CSMD1: variants seen among roughly 807,000 people sequenced by gnomAD.
The protein encoded by CSMD1 is CUB and Sushi multiple domains 1, also known as CUB and sushi domain-containing protein 1.
In CSMD1, 213 loss-of-function variants were observed where a neutral mutation model predicts 417.5. The ratio of observed to expected loss-of-function variants is 0.51; its 90% confidence interval spans 0.46 to 0.57. The LOEUF (loss-of-function observed/expected upper bound fraction) is 0.57, where lower values mean the gene tolerates loss of function less well. Among genes scored for constraint, CSMD1 ranks in the 20% least tolerant of loss-of-function variants. The pLI is 0.00. For synonymous variants in CSMD1, 2,862 were observed against 1,736.8 expected (o/e 1.65, Z -16.11); for missense variants, 6,923 against 4,529.7 (o/e 1.53, Z -15.17).
At chr8:4,056,078 C>CTTTTTTT (rs58415435) in intron 3 of CSMD1, among the ~76,000 whole-genome samples, 10 of 97,842 alleles carry the variant, frequency 1.0e-4, no homozygotes, top group African/African-American at 1.6e-4. Flanking sequence ...TGGTGGCTTC[C>CTTTTTTT]TTTTTTTTTT....
intron 18 of CSMD1, among the ~76,000 whole-genome samples, chr8:3,374,886 T>C (rs1002137203): frequency 6.6e-6 from 1 of 152,200 alleles, no homozygotes; most frequent in South Asian, 2.1e-4. Context: ...AAATGGAAGT[T>C]TGCAGAGTCA....
chr8:4,696,614 C>A (rs1224443462), intron 1 of CSMD1, among the ~76,000 whole-genome samples: 6 of 152,250 alleles, frequency 3.9e-5, no homozygotes, highest in African/African-American at 1.4e-4. Flanking sequence ...GATTTATTAT[C>A]CAAACAACGT....
chr8:3,770,809 T>C (rs529561529), intron 5 of CSMD1, among the ~76,000 whole-genome samples: 4 of 152,244 alleles, frequency 2.6e-5, no homozygotes, highest in Non-Finnish European at 4.4e-5. Flanking sequence ...TCAACCATTA[T>C]ATATTTAGCA....
chr8:4,195,972 G>A (rs1234355675), intron 3 of CSMD1, among the ~76,000 whole-genome samples: 1 of 151,992 alleles, frequency 6.6e-6, no homozygotes, highest in South Asian at 2.1e-4. Flanking sequence ...AACACTTTGG[G>A]GCACCGAGGT....
At chr8:4,077,447 A>G (rs1004633413) in intron 3 of CSMD1, among the ~76,000 whole-genome samples, 2 of 151,688 alleles carry the variant, frequency 1.3e-5, no homozygotes, top group Admixed American at 1.3e-4. Context: ...TGAGTATCCT[A>G]TACATATCAT....
rs1023012740 is a variant in CSMD1, at chr8:3,393,407, C to A, written c.2593+2787G>T. 2.6e-5 allele frequency among the ~76,000 whole-genome samples: 4 copies of A among 152,288 alleles called. No individual in the cohort carries two copies. The South Asian group carries it at 8.3e-4, about 32-fold the overall frequency. ...AGATCAGAACTTTATGACTCTCACA[C>A]AATTATCACTGTATAAACAGGCATC... On this transcript the variant is annotated intron_variant, in intron 17 of 69. Coordinates refer to ENST00000635120, the MANE Select transcript of CSMD1 (RefSeq NM_033225.6).
chr8:4,638,377 G>A (rs1802974630), intron 1 of CSMD1, among the ~76,000 whole-genome samples: 1 of 152,150 alleles, frequency 6.6e-6, no homozygotes, highest in South Asian at 2.1e-4. Context: ...TGCCTGTGCT[G>A]GCAAATGTCT....
chr8:4,603,727 G>GA (rs1276032084), intron 2 of CSMD1, among the ~76,000 whole-genome samples: 12 of 152,120 alleles, frequency 7.9e-5, no homozygotes, highest in Non-Finnish European at 2.9e-5. Flanking sequence ...GTATGCTAAT[G>GA]AAAAAATATT....
intron 23 of CSMD1, among the ~76,000 whole-genome samples, chr8:3,313,375 C>T (rs1199426679): frequency 6.6e-6 from 1 of 152,050 alleles, no homozygotes; most frequent in Non-Finnish European, 1.5e-5. Flanking sequence ...ACTCATCTGA[C>T]AAAGGGCTAA....
intron 5 of CSMD1, among the ~76,000 whole-genome samples, chr8:3,982,445 G>T (rs187461791): frequency 2.0e-5 from 3 of 152,012 alleles, no homozygotes; most frequent in Non-Finnish European, 2.9e-5. Context: ...TTAATAGAAA[G>T]ATCTTAACTC....
At chr8:4,462,348 C>T (rs1799886026) in intron 2 of CSMD1, among the ~76,000 whole-genome samples, 1 of 151,856 alleles carries the variant, frequency 6.6e-6, no homozygotes, top group Admixed American at 6.6e-5. Flanking sequence ...AAATTGAAGA[C>T]CTAAATAAAT....
At chr8:3,073,142 T>C (rs941500375) in intron 49 of CSMD1, among the ~76,000 whole-genome samples, 1 of 152,206 alleles carries the variant, frequency 6.6e-6, no homozygotes, top group Non-Finnish European at 1.5e-5. Flanking sequence ...ATGAAAACTT[T>C]GCAAATAGAG....
At chr8:4,439,269 C>G (rs999542942) in intron 2 of CSMD1, among the ~76,000 whole-genome samples, 3 of 152,094 alleles carry the variant, frequency 2.0e-5, no homozygotes, top group African/African-American at 7.2e-5. Flanking sequence ...TAAACAACTA[C>G]TAAATTGAAA....
intron 3 of CSMD1, among the ~76,000 whole-genome samples, chr8:4,119,865 A>G (rs1040467014): frequency 1.2e-4 from 18 of 152,204 alleles, no homozygotes; most frequent in African/African-American, 4.3e-4. Flanking sequence ...ACACATCTGA[A>G]AGGGTTCGAC....
intron 1 of CSMD1, among the ~76,000 whole-genome samples, chr8:4,950,523 C>G (rs1026515042): frequency 1.3e-5 from 2 of 152,070 alleles, no homozygotes; most frequent in Non-Finnish European, 2.9e-5. Context: ...CTACTTTATT[C>G]ATAAAAAAGT....
At chr8:4,342,800 G>C (rs900122094) in intron 3 of CSMD1, among the ~76,000 whole-genome samples, 1 of 151,860 alleles carries the variant, frequency 6.6e-6, no homozygotes, top group Non-Finnish European at 1.5e-5. Flanking sequence ...TGGAAAGGTG[G>C]TTCGTTCCTG....
Position 4,764,481 on chromosome 8 carries a change from A to G in CSMD1, c.86-126923T>C, listed in dbSNP as rs376083372. 5.3e-5 allele frequency among the ~76,000 whole-genome samples: 8 copies of G among 152,314 alleles called. No individual in the cohort carries two copies. The East Asian group carries it at 1.5e-3, about 29-fold the overall frequency. ...ATCGTCTGTATTCTTAAAAGTATTA[A>G]GTCGAGAAGACAATTAGTATTCCAA... On this transcript the variant is annotated intron_variant, in intron 1 of 69. Coordinates refer to ENST00000635120, the MANE Select transcript of CSMD1 (RefSeq NM_033225.6).
At chr8:3,503,927 T>G (rs986842716) in intron 10 of CSMD1, among the ~76,000 whole-genome samples, 6 of 148,786 alleles carry the variant, frequency 4.0e-5, no homozygotes, top group African/African-American at 1.5e-4. Flanking sequence ...TCCACATGAG[T>G]GAGAATATGG....
chr8:3,123,837 T>C lies in CSMD1; in HGVS notation c.6242-5250A>G, dbSNP rs556575928. Among the ~76,000 whole-genome samples, 9 of 152,312 alleles carry C rather than the reference T, an allele frequency of 5.9e-5. No individual in the cohort carries two copies. In the South Asian group the frequency reaches 1.5e-3, roughly 25 times the overall value. On this transcript the variant is annotated intron_variant, in intron 41 of 69. Coordinates refer to ENST00000635120, the MANE Select transcript of CSMD1 (RefSeq NM_033225.6). The stretch of plus-strand genomic sequence containing the variant: ...GCGTTTAACAGAGACACACACACAT[T>C]TACAACACAGGAGTGTTAATAGTAT...
Sources: allele counts gnomAD v4.1 joint callset (sites outside exome capture counted in the v4.1 genomes callset), GRCh38; gene constraint gnomAD v4.1.1; transcripts MANE v1.5; gene names NCBI Gene and HGNC (gene_info 2026-07-23, HGNC 2026-07-21).